Variants in HS6ST2 observed in about 807,000 individuals in gnomAD.
HS6ST2 encodes heparan sulfate 6-O-sulfotransferase 2, also known as heparan-sulfate 6-O-sulfotransferase 2.
A neutral mutation model predicts 33.0 loss-of-function variants in HS6ST2; 17 were observed. The ratio of observed to expected loss-of-function variants is 0.52; its 90% CI spans 0.35 to 0.77. HS6ST2 has a LOEUF of 0.77. Ranked by LOEUF, HS6ST2 falls within the 30% of genes least tolerant of loss-of-function variation. The pLI, the probability that HS6ST2 is intolerant of heterozygous loss-of-function variation, is 0.01. For synonymous variants in HS6ST2, 248 were observed against 237.1 expected, an observed-to-expected ratio of 1.05 and a Z score of -0.42; for missense variants, 519 against 551.7, an observed-to-expected ratio of 0.94 and a Z score of 0.59.
chrX:132,654,316 T>C (rs190527763), intron 4 of HS6ST2, among the ~76,000 whole-genome samples: 14 of 111,269 alleles, frequency 1.3e-4, no homozygotes, highest in African/African-American at 4.6e-4. Flanking sequence ...TATATGTCAA[T>C]CATACTTCAA....
intron 2 of HS6ST2, among the ~76,000 whole-genome samples, chrX:132,823,853 A>AATAATAATAAT (rs1556457833): frequency 1.8e-4 from 17 of 92,515 alleles, no homozygotes; most frequent in African/African-American, 6.9e-4. Context: ...ACTTCATAAA[A>AATAATAATAAT]AATAATAATA....
chrX:132,867,813 C>G (rs188766947), intron 2 of HS6ST2, among the ~76,000 whole-genome samples: 10 of 111,631 alleles, frequency 9.0e-5, no homozygotes, highest in African/African-American at 3.2e-4. Context: ...AAAACCAGTA[C>G]CAGTCACTGC....
intron 2 of HS6ST2, among the ~76,000 whole-genome samples, chrX:132,921,814 C>T (rs2148478928): frequency 8.9e-6 from 1 of 112,108 alleles, no homozygotes; most frequent in South Asian, 3.7e-4. Context: ...CAGCCCGGAT[C>T]CCGCCTGGGC....
In HS6ST2 at chrX:132,628,926, C is replaced by A. The variant is rs1214724685; in HGVS notation, c.1235G>T (p.Gly412Val). The A allele has an allele frequency of 1.7e-6, 2 of 1,209,658 alleles. No individual in the cohort carries two copies. Among genetic ancestry groups the A allele is most frequent in the Non-Finnish European group, 2.2e-6 (2 of 895,119 alleles). Residue 412 changes from glycine (G) to valine (V), a missense_variant, in exon 5 of 5, where the codon GGC (glycine) becomes GTC (valine). Gly to Val is a moderately radical substitution (Grantham distance 109, BLOSUM62 -3). Coordinates refer to ENST00000370833, the MANE Select transcript of HS6ST2 (RefSeq NM_001394073.1). ...GTCCATAAACTCTTTGAGGGGGCAGCCAGACCAGTCATCGCCAGTGTAGCA... is the reference window on the plus strand; with the variant it reads ...GTCCATAAACTCTTTGAGGGGGCAGACAGACCAGTCATCGCCAGTGTAGCA... ...PSCYTGDDWS[G>V]CPLKEFMDCP...
In HS6ST2 at chrX:132,882,267, C is replaced by T. The variant is rs1344682596; in HGVS notation, c.947+74541G>A. Reference sequence around the variant, plus strand: ...TCTTCCTATCCATGAGCATAGAATGCTCTTCCATTTGTTTGTGTCCTCTTT... The same window carrying T: ...TCTTCCTATCCATGAGCATAGAATGTTCTTCCATTTGTTTGTGTCCTCTTT... On this transcript the variant is annotated intron_variant, in intron 2 of 4. Transcript: ENST00000370833. 5.4e-5 allele frequency among the ~76,000 whole-genome samples: 6 copies of T among 111,462 alleles called. No homozygotes were observed. In the East Asian group the frequency reaches 1.4e-3, roughly 26 times the overall value.
intron 2 of HS6ST2, among the ~76,000 whole-genome samples, chrX:132,900,053 G>A (rs765700465): frequency 1.3e-4 from 15 of 111,546 alleles, no homozygotes; most frequent in Admixed American, 6.7e-4. Context: ...AGTTATCATC[G>A]GTACAGAGAA....
intron 3 of HS6ST2, among the ~76,000 whole-genome samples, chrX:132,699,413 G>A (rs1016799267): frequency 9.0e-6 from 1 of 111,683 alleles, no homozygotes; most frequent in African/African-American, 3.2e-5. Context: ...AATAAATGAG[G>A]CTTTCTGGAC....
At chrX:132,676,303 G>A (rs772357127) in intron 3 of HS6ST2, among the ~76,000 whole-genome samples, 7 of 111,966 alleles carry the variant, frequency 6.3e-5, no homozygotes, top group African/African-American at 1.9e-4. Flanking sequence ...CAAGGTTCCC[G>A]CCGGCAGGTG....
chrX:132,823,324 T>C (rs1202274629), intron 2 of HS6ST2, among the ~76,000 whole-genome samples: 1 of 111,116 alleles, frequency 9.0e-6, no homozygotes, highest in Non-Finnish European at 1.9e-5. Flanking sequence ...TTGGGTTATA[T>C]GTATGAATTA....
At chrX:132,752,492 A>T (rs774421111) in intron 2 of HS6ST2, among the ~76,000 whole-genome samples, 1 of 104,978 alleles carries the variant, frequency 9.5e-6, no homozygotes, top group Non-Finnish European at 2.0e-5. Flanking sequence ...AAAAAAAAAG[A>T]ACTGACACCA....
intron 2 of HS6ST2, among the ~76,000 whole-genome samples, chrX:132,797,940 G>A (rs1444760100): frequency 9.4e-6 from 1 of 106,677 alleles, no homozygotes; most frequent in African/African-American, 3.4e-5. Flanking sequence ...TTGAACCTGG[G>A]AGGTGGAGGT....
chrX:132,870,499 G>A (rs1055533316), intron 2 of HS6ST2, among the ~76,000 whole-genome samples: 2 of 111,193 alleles, frequency 1.8e-5, no homozygotes, highest in Non-Finnish European at 1.9e-5. Flanking sequence ...GAGGCATCAC[G>A]CTACCTGACT....
At chrX:132,902,193 C>T (rs1425011576) in intron 2 of HS6ST2, among the ~76,000 whole-genome samples, 1 of 107,616 alleles carries the variant, frequency 9.3e-6, no homozygotes, top group African/African-American at 3.4e-5. Context: ...CCTCCACCTC[C>T]TGGGCTCAAG....
chrX:132,766,679 T>C (rs894146609), intron 2 of HS6ST2, among the ~76,000 whole-genome samples: 1 of 112,126 alleles, frequency 8.9e-6, no homozygotes, highest in Non-Finnish European at 1.9e-5. Flanking sequence ...GTGAGGCCTG[T>C]GGTGATGTGG....
intron 2 of HS6ST2, among the ~76,000 whole-genome samples, chrX:132,819,164 T>C (rs1409077854): frequency 9.0e-6 from 1 of 110,962 alleles, no homozygotes; most frequent in Non-Finnish European, 1.9e-5. Flanking sequence ...TAGGCCATTA[T>C]GAAAGATTTA....
At position 132,684,146 on chromosome X, in the gene HS6ST2, C is replaced by G. The variant is rs2063996074; in HGVS notation, c.981-14947G>C. ...TTTTGTCAGGAGAATCAAACTTATTCCTGGTGCCAAAACTATGAAGCACTG... is the reference window on the plus strand; with the variant it reads ...TTTTGTCAGGAGAATCAAACTTATTGCTGGTGCCAAAACTATGAAGCACTG... On this transcript the variant is annotated intron_variant, in intron 3 of 4. Transcript: ENST00000370833. 3.8e-5 allele frequency among the ~76,000 whole-genome samples: 4 copies of G among 106,376 alleles called. No individual in the cohort carries two copies. The South Asian group carries it at 1.3e-3, about 34-fold the overall frequency. The allele number at this position is 106,376 out of a possible 115,157, so 92.4% of individuals were successfully genotyped here.
At chrX:132,766,667 G>A (rs1342051367) in intron 2 of HS6ST2, among the ~76,000 whole-genome samples, 3 of 111,988 alleles carry the variant, frequency 2.7e-5, no homozygotes, top group Non-Finnish European at 5.6e-5. Flanking sequence ...GGAAGCATGG[G>A]TGTGAGGCCT....
At chrX:132,816,228 A>G (rs1054259595) in intron 2 of HS6ST2, among the ~76,000 whole-genome samples, 8 of 111,818 alleles carry the variant, frequency 7.2e-5, no homozygotes, top group African/African-American at 2.6e-4. Flanking sequence ...CCCTTTGCCA[A>G]CTTACTTTCT....
intron 4 of HS6ST2, among the ~76,000 whole-genome samples, chrX:132,644,169 G>A (rs1416640216): frequency 1.9e-5 from 2 of 106,584 alleles, no homozygotes; most frequent in African/African-American, 3.5e-5. Flanking sequence ...GGGAAGGAGC[G>A]AGGGAGAGAG....
Sources: gnomAD v4.1 joint callset for allele counts (sites outside exome capture counted in the v4.1 genomes callset) on GRCh38, gnomAD v4.1.1 for gene constraint, MANE v1.5 for transcripts, NCBI Gene and HGNC (gene_info 2026-07-23, HGNC 2026-07-21) for gene names.